Variants in ABCB6 observed in about 807,000 individuals in gnomAD.
The protein encoded by ABCB6 is ATP binding cassette subfamily B member 6 (LAN blood group), also known as ATP-binding cassette sub-family B member 6.
A neutral mutation model predicts 99.4 loss-of-function variants in ABCB6; 87 were observed. That is an observed-to-expected ratio of 0.88 (90% CI 0.74 to 1.05). ABCB6 has a LOEUF of 1.05. Ranked by LOEUF, ABCB6 falls within the 50% of genes least tolerant of loss-of-function variation. The pLI is 0.00. For missense variants in ABCB6, 1,050 were observed against 1,097.9 expected (o/e 0.96, Z 0.62); for synonymous variants, 482 against 447.5 (o/e 1.08, Z -0.97).
rs763747092 is a variant in ABCB6, at chr2:219,213,989, A to C, written c.1453-38T>G. ...ACACAGGAAGAGGAATGTCCTATAC[A>C]CAATGGCCATCAGTGAGTCCAAACC... On this transcript the variant is annotated intron_variant, in intron 8 of 18. Coordinates refer to ENST00000265316, the MANE Select transcript of ABCB6 (RefSeq NM_005689.4). 6.8e-6 allele frequency: 11 copies of C among 1,613,120 alleles called. No homozygotes were observed. In the Admixed American group the frequency reaches 8.3e-5, roughly 12 times the overall value.
At chr2:219,212,951 G>C in intron 13 of ABCB6, 57 bp downstream of exon 13, 3 of 1,574,034 alleles carry the variant, frequency 1.9e-6, no homozygotes, top group Non-Finnish European at 2.6e-6. Context: ...AGCTACCATG[G>C]GCACTGAATG....
In ABCB6 at chr2:219,216,080, T is replaced by C. The variant is rs766331902; in HGVS notation, c.1071A>G (p.Ser357=). 1.7e-5 allele frequency: 27 copies of C among 1,594,574 alleles called. No homozygotes were observed. In the South Asian group the frequency reaches 2.7e-4, roughly 16 times the overall value. The change falls in exon 5 of 19, where the codon TCA becomes TCG. Residue 357 remains serine, a synonymous_variant. Coordinates refer to ENST00000265316, the MANE Select transcript of ABCB6 (RefSeq NM_005689.4). The surrounding 1 kb of genome is among the most constrained non-coding windows in gnomAD (Gnocchi z 4.2). ...TGCGGCGCCCCAGGTGCCAGCGCAG[T>C]GAGAGCTCGTGCAGGTGGGAGAAGA... ...LLIFSHLHEL[S]LRWHLGRRTG...
chr2:219,211,195 A>G (rs1037249690), intron 14 of ABCB6, 87 bp from the exon 15 acceptor site: 1 of 1,454,390 alleles, frequency 6.9e-7, no homozygotes, highest in Non-Finnish European at 9.5e-7. Context: ...CACGTGGGAT[A>G]AGAGGCTGTG....
chr2:219,214,053 C>T (rs887553295), intron 8 of ABCB6, 68 bp downstream of exon 8: 1 of 1,613,078 alleles, frequency 6.2e-7, no homozygotes. Context: ...TCGACTATCA[C>T]TCTTGGCCCT....
intron 5 of ABCB6, 170 bp downstream of exon 5, chr2:219,215,827 G>A (rs1257601971): frequency 8.1e-6 from 5 of 620,714 alleles, no homozygotes; most frequent in Admixed American, 3.7e-5. Context: ...CCCTCTGCCC[G>A]CATTACCTAA....
At chr2:219,215,919 G>A in intron 5 of ABCB6, 78 bp downstream of exon 5, 1 of 1,421,536 alleles carries the variant, frequency 7.0e-7, no homozygotes, top group Non-Finnish European at 9.3e-7. Context: ...GGCGGGGTCT[G>A]TTCTCTTCCT....
Position 219,216,351 on chromosome 2 carries a change from G to A in ABCB6, c.970+13C>T, listed in dbSNP as rs761154521. ...ACCTATACCTAGCAGGGTGAGGGCG[G>A]AGTCTCTCATACCTGTACTGCCAGT... On this transcript the variant is annotated intron_variant, in intron 4 of 18. Transcript: ENST00000265316. The surrounding 1 kb of genome is among the most constrained non-coding windows in gnomAD (Gnocchi z 4.2). 3.7e-6 allele frequency: 6 copies of A among 1,610,172 alleles called. No homozygotes were observed. In the Admixed American group the frequency reaches 1.0e-4, roughly 27 times the overall value.
At position 219,218,550 on chromosome 2, in the gene ABCB6, G is replaced by T; in HGVS notation, c.124C>A (p.Leu42Met). 6.2e-7 allele frequency: 1 copy of T among 1,612,226 alleles called. No homozygotes were observed. Among genetic ancestry groups the T allele is most frequent in the Non-Finnish European group, 8.5e-7 (1 of 1,179,648 alleles). Residue 42 changes from leucine (L) to methionine (M), a missense_variant, in exon 1 of 19, where the codon CTG becomes ATG. Transcript: ENST00000265316. ...VPSTRMALGT[L>M]ALVLALPCRR... is the part of the protein sequence containing the mutation. ...CAGGGAAGAGCCAGCACCAAGGCCA[G>T]AGTCCCCAGAGCCATCCGCGTCGAG...
intron 6 of ABCB6, 159 bp downstream of exon 6, chr2:219,214,802 A>G: frequency 1.2e-6 from 1 of 810,446 alleles, no homozygotes; most frequent in Admixed American, 2.8e-5. Context: ...GTTTGATTTG[A>G]CAGAAGAGAC....
chr2:219,210,341 G>C (rs374679376), intron 17 of ABCB6, 40 bp downstream of exon 17: 19 of 1,614,066 alleles, frequency 1.2e-5, no homozygotes, highest in Admixed American at 3.3e-5. Context: ...CACCCAAAGC[G>C]GGCCACATCA....
intron 14 of ABCB6, among the ~76,000 whole-genome samples, chr2:219,211,609 A>G (rs1950579263): frequency 6.9e-6 from 1 of 144,714 alleles, no homozygotes; most frequent in South Asian, 2.2e-4. Flanking sequence ...TGGCTACAGA[A>G]TATCGTTGTA....
chr2:219,211,142 A>G, intron 14 of ABCB6, 34 bp from the exon 15 acceptor site: 1 of 1,609,656 alleles, frequency 6.2e-7, no homozygotes, highest in Non-Finnish European at 8.5e-7. Context: ...CTGCCTTATG[A>G]GATACCCCCA....
Position 219,213,810 on chromosome 2 carries a change from C to A in ABCB6, c.1578+16G>T. 1 of 1,613,960 alleles carries A rather than the reference C, an allele frequency of 6.2e-7. No individual in the cohort carries two copies. The highest frequency in any genetic ancestry group is 8.5e-7 in the Non-Finnish European group (1 of 1,179,976). On this transcript the variant is annotated intron_variant, in intron 9 of 18. Coordinates refer to ENST00000265316, the MANE Select transcript of ABCB6 (RefSeq NM_005689.4). ...TTTCCTTGTGCCCCACTCTCTCATC[C>A]AAGATCCTGCCTCACCTGTAGCTTC...
Position 219,218,573 on chromosome 2 carries a change from G to A in ABCB6, c.101C>T (p.Ser34Leu), listed in dbSNP as rs771503188. 79 of 1,612,534 alleles carry A rather than the reference G, an allele frequency of 4.9e-5. No homozygotes were observed. Among genetic ancestry groups the A allele is most frequent in the Non-Finnish European group, 6.7e-5 (79 of 1,179,712 alleles). ...SPCFFFTLVP[S>L]TRMALGTLAL... Reference sequence around the variant, plus strand: ...CAGAGTCCCCAGAGCCATCCGCGTCGAGGGCACGAGCGTGAAGAAGAAGCA... The same window carrying A: ...CAGAGTCCCCAGAGCCATCCGCGTCAAGGGCACGAGCGTGAAGAAGAAGCA... Residue 34 changes from serine (S) to leucine (L), a missense_variant, in exon 1 of 19, where the codon TCG becomes TTG. Transcript: ENST00000265316.
Position 219,218,773 on chromosome 2 carries a change from A to T in ABCB6, c.-100T>A. On this transcript the variant is annotated 5_prime_UTR_variant, in exon 1 of 19. Transcript: ENST00000265316. ...CGCGGACATCCGGGTGCCTTGGCTC[A>T]CGTAGCCGCTGGGCGCCAAGCTGCG... The T allele has an allele frequency of 1.5e-6, 2 of 1,327,594 alleles. No individual in the cohort carries two copies. Among genetic ancestry groups the T allele is most frequent in the Non-Finnish European group, 2.0e-6 (2 of 1,000,442 alleles). The allele number at this position is 1,327,594 out of a possible 1,614,324, so 82.2% of individuals were successfully genotyped here.
chr2:219,215,312 T>G (rs1160939238), intron 5 of ABCB6: 5 of 519,824 alleles, frequency 9.6e-6, no homozygotes, highest in Non-Finnish European at 1.7e-5. Flanking sequence ...GAAAAATATA[T>G]CTCCATAATG....
chr2:219,218,266 C>T lies in ABCB6; in HGVS notation c.408G>A (p.Leu136=). The part of the protein sequence containing the change: ...VVERSQARQR[L]AMGIWIKFRH... ...TGAACTTGATCCAGATGCCCATTGC[C>T]AGACGCTGCCGTGCCTGGCTCCGCT... The change falls in exon 1 of 19, where the codon CTG becomes CTA. Residue 136 remains leucine (L), a synonymous_variant. Transcript: ENST00000265316. The T allele has an allele frequency of 6.2e-7, 1 of 1,613,358 alleles. No homozygotes were observed. The highest frequency in any genetic ancestry group is 1.3e-5 in the African/African-American group (1 of 75,072).
Position 219,218,675 on chromosome 2 carries a change from G to A in ABCB6, c.-2C>T. The A allele has an allele frequency of 6.5e-7, 1 of 1,544,386 alleles. No individual in the cohort carries two copies. Among genetic ancestry groups the A allele is most frequent in the Non-Finnish European group, 8.7e-7 (1 of 1,144,046 alleles). ...GCAGTAGTTGCCCACAGTCACCATG[G>A]CAATGCGTGGACGCCGGCCGAGGCT... On this transcript the variant is annotated 5_prime_UTR_variant, in exon 1 of 19. Transcript: ENST00000265316.
intron 13 of ABCB6, among the ~76,000 whole-genome samples, 198 bp from the exon 14 acceptor site, chr2:219,212,689 T>G (rs1185135211): frequency 6.8e-6 from 1 of 147,700 alleles, no homozygotes; most frequent in East Asian, 1.9e-4. Context: ...GCCCGGCTAA[T>G]TTTTGTATTT....
Sources: allele counts gnomAD v4.1 joint callset (sites outside exome capture counted in the v4.1 genomes callset), GRCh38; gene constraint gnomAD v4.1.1; non-coding constraint Gnocchi (gnomAD v3.1); transcripts MANE v1.5; gene names NCBI Gene and HGNC (gene_info 2026-07-23, HGNC 2026-07-21).